Variants in ADCK1 observed in about 807,000 individuals in gnomAD.
ADCK1 encodes aarF domain-containing protein kinase 1.
In ADCK1, 41 loss-of-function variants were observed where a neutral mutation model predicts 52.3. The ratio of observed to expected loss-of-function variants is 0.78; its 90% CI spans 0.61 to 1.02. ADCK1 has a LOEUF of 1.02. ADCK1 is among the 50% of genes least tolerant of loss of function. The probability of loss-of-function intolerance (pLI) is 0.00; values close to 1 mark genes in which losing one functional copy is unlikely to be tolerated. For missense variants in ADCK1, 658 were observed against 679.5 expected (o/e 0.97, Z 0.35); for synonymous variants, 250 against 274.6 (o/e 0.91, Z 0.89).
At chr14:77,827,196 A>G (rs2081729939) in intron 3 of ADCK1, among the ~76,000 whole-genome samples, 1 of 151,466 alleles carries the variant, frequency 6.6e-6, no homozygotes, top group Admixed American at 6.6e-5. Flanking sequence ...TACTAAAAAT[A>G]CAAAAATTAG....
chr14:77,864,959 A>T (rs2140151556), intron 4 of ADCK1, among the ~76,000 whole-genome samples: 1 of 152,220 alleles, frequency 6.6e-6, no homozygotes, highest in East Asian at 1.9e-4. Flanking sequence ...ATGGAGAGTA[A>T]TCTGTTTTAT....
At chr14:77,895,502 A>G (rs2083389715) in intron 5 of ADCK1, among the ~76,000 whole-genome samples, 1 of 152,260 alleles carries the variant, frequency 6.6e-6, no homozygotes, top group African/African-American at 2.4e-5. Flanking sequence ...GGCTGTTAGA[A>G]GAATTTTATG....
rs1440569696 is a variant in ADCK1 at position 77,899,189 on chromosome 14, G to T, written c.672G>T (p.Leu224=). The T allele has an allele frequency of 3.1e-6, 5 of 1,614,182 alleles. No homozygotes were observed. Among genetic ancestry groups the T allele is most frequent in the Non-Finnish European group, 4.2e-6 (5 of 1,180,030 alleles). ...DEAKKNLPLE[L]DFLNEGRNAE... ...CCAAGAAGAACCTGCCTTTGGAGCT[G>T]GATTTCCTCAATGAAGGGAGGAATG... is the stretch of plus-strand genomic sequence containing the variant. Residue 224 remains leucine, a synonymous_variant, in exon 6 of 11, where the codon CTG becomes CTT. Transcript: ENST00000238561.
chr14:77,812,160 T>C (rs1425730035), intron 1 of ADCK1, among the ~76,000 whole-genome samples: 15 of 152,204 alleles, frequency 9.9e-5, no homozygotes, highest in Non-Finnish European at 5.9e-5. Context: ...AGATCTGCTC[T>C]CTCAGCAAAT....
At position 77,849,045 on chromosome 14, in the gene ADCK1, G is replaced by A. The variant is rs954185252; in HGVS notation, c.220-10031G>A. On this transcript the variant is annotated intron_variant, in intron 3 of 10. Transcript: ENST00000238561. ...GGGTTTCACCATGTTAGCCAGGATG[G>A]TCTCCATCTCCTGACCTCGTGATCT... is the stretch of plus-strand genomic sequence containing the variant. Among the ~76,000 whole-genome samples, 109 of 152,070 alleles carry A rather than the reference G, an allele frequency of 7.2e-4. 1 individual carries two copies. The highest frequency in any genetic ancestry group is 2.6e-3 in the African/African-American group (108 of 41,472).
intron 3 of ADCK1, among the ~76,000 whole-genome samples, chr14:77,852,907 A>ATTTTTTTTT (rs71303864): frequency 2.8e-4 from 8 of 28,954 alleles, no homozygotes; most frequent in South Asian, 2.2e-3. Flanking sequence ...ATATATATAT[A>ATTTTTTTTT]TTTTTTTTTT....
At chr14:77,875,251 T>A (rs1042022703) in intron 4 of ADCK1, among the ~76,000 whole-genome samples, 1 of 151,678 alleles carries the variant, frequency 6.6e-6, no homozygotes, top group African/African-American at 2.4e-5. Flanking sequence ...GTGGAGGAGG[T>A]GGAGGTGCCA....
rs892288824 is a variant in ADCK1 at position 77,912,782 on chromosome 14, C to G, written c.858+4863C>G. Among the ~76,000 whole-genome samples, 3 of 152,088 alleles carry G rather than the reference C, an allele frequency of 2.0e-5. No individual in the cohort carries two copies. In the East Asian group the frequency reaches 5.8e-4, roughly 29 times the overall value. Reference sequence around the variant, plus strand: ...GGTGGGTGGGGATGGCTCCAGAGCCCCCAACCACTTGTTGTATCAGCCTCA... The same window carrying G: ...GGTGGGTGGGGATGGCTCCAGAGCCGCCAACCACTTGTTGTATCAGCCTCA... On this transcript the variant is annotated intron_variant, in intron 7 of 10. Coordinates refer to ENST00000238561, the MANE Select transcript of ADCK1 (RefSeq NM_020421.4).
chr14:77,836,769 C>CTTTTTTTTTTTTTTTTTTTTTTT lies in ADCK1; in HGVS notation c.219+14254_219+14255insTTTTTTTTTTTTTTTTTTTTTTT, dbSNP rs1293120244. ...TATCTCCTCTACCTTTTCTTTCTTT[C>CTTTTTTTTTTTTTTTTTTTTTTT]TTTCTTTTTTTTTTTTTTTTTTGAG... On this transcript the variant is annotated intron_variant, in intron 3 of 10. Coordinates refer to ENST00000238561, the MANE Select transcript of ADCK1 (RefSeq NM_020421.4). Among the ~76,000 whole-genome samples the CTTTTTTTTTTTTTTTTTTTTTTT allele has an allele frequency of 2.7e-5, 2 of 75,280 alleles. 1 individual carries two copies. The highest frequency in any genetic ancestry group is 9.0e-4 in the South Asian group (2 of 2,220). 49.4% of individuals were successfully genotyped at this position (75,280 alleles called of 152,430 possible).
chr14:77,887,852 C>T (rs780728455), intron 5 of ADCK1, among the ~76,000 whole-genome samples: 9 of 152,200 alleles, frequency 5.9e-5, no homozygotes, highest in Non-Finnish European at 1.2e-4. Context: ...TAGCCATCAC[C>T]GCCTACGGGG....
chr14:77,889,580 C>A (rs572978884), intron 5 of ADCK1, among the ~76,000 whole-genome samples: 1 of 152,192 alleles, frequency 6.6e-6, no homozygotes, highest in Non-Finnish European at 1.5e-5. Context: ...TCTTGCCCCC[C>A]CAGTATGCCA....
chr14:77,852,368 AT>A (rs2082301834), intron 3 of ADCK1, among the ~76,000 whole-genome samples: 2 of 151,938 alleles, frequency 1.3e-5, no homozygotes, highest in Non-Finnish European at 2.9e-5. Flanking sequence ...AAGAACTTTT[AT>A]ACCTTTATTT....
In ADCK1 at chr14:77,905,304, G is replaced by GTTTTTTTTTTTTTTT. The variant is rs58057378; in HGVS notation, c.742-2493_742-2479dup. On this transcript the variant is annotated intron_variant, in intron 6 of 10. Transcript: ENST00000238561. ...TCCACCTGTGACTCTTTCCTAGCTGGTTTTTTTTTTTTTTTTTTTTGAGAT... is the reference window on the plus strand; with the variant it reads ...TCCACCTGTGACTCTTTCCTAGCTGGTTTTTTTTTTTTTTTTTTTTTTTTTTTTTTTTTTTGAGAT... 6.9e-4 allele frequency among the ~76,000 whole-genome samples: 66 copies of GTTTTTTTTTTTTTTT among 96,256 alleles called. 5 individuals are homozygous for GTTTTTTTTTTTTTTT. The highest frequency in any genetic ancestry group is 1.0e-3 in the African/African-American group (23 of 23,096). 63.1% of individuals were successfully genotyped at this position (96,256 alleles called of 152,430 possible).
intron 9 of ADCK1, among the ~76,000 whole-genome samples, chr14:77,926,309 G>T (rs1408936736): frequency 6.6e-6 from 1 of 152,084 alleles, no homozygotes; most frequent in Non-Finnish European, 1.5e-5. Flanking sequence ...CAAGACCTCT[G>T]GGAATCCTTA....
chr14:77,820,585 G>A (rs924240534), intron 2 of ADCK1, among the ~76,000 whole-genome samples: 1 of 151,546 alleles, frequency 6.6e-6, no homozygotes, highest in Non-Finnish European at 1.5e-5. Context: ...GCCCACCTTG[G>A]TCTCCCAAAG....
At position 77,931,625 on chromosome 14, in the gene ADCK1, G is replaced by A. The variant is rs750618689; in HGVS notation, c.1314G>A (p.Leu438=). 5.0e-6 allele frequency: 8 copies of A among 1,612,980 alleles called. No individual in the cohort carries two copies. Among genetic ancestry groups the A allele is most frequent in the Non-Finnish European group, 6.8e-6 (8 of 1,180,044 alleles). ...MLLILKTNDL[L]RGIEAALGTR... Reference sequence around the variant, plus strand: ...TCATCTTGAAGACCAACGACCTGCTGCGTGGCATTGAGGCCGCCCTGGGCA... The same window carrying A: ...TCATCTTGAAGACCAACGACCTGCTACGTGGCATTGAGGCCGCCCTGGGCA... The change falls in exon 10 of 11, where the codon CTG becomes CTA. Residue 438 remains leucine, a synonymous_variant. Coordinates refer to ENST00000238561, the MANE Select transcript of ADCK1 (RefSeq NM_020421.4).
intron 3 of ADCK1, among the ~76,000 whole-genome samples, chr14:77,845,203 T>C (rs1346574729): frequency 6.6e-6 from 1 of 152,186 alleles, no homozygotes; most frequent in Non-Finnish European, 1.5e-5. Flanking sequence ...GGTCTTGGAG[T>C]TAGACTGCCG....
At chr14:77,842,864 TTTTTC>T (rs374756972) in intron 3 of ADCK1, among the ~76,000 whole-genome samples, 39 of 146,968 alleles carry the variant, frequency 2.7e-4, no homozygotes, top group Admixed American at 4.1e-4. Flanking sequence ...GTATTTTTTC[TTTTTC>T]TTTTCTTTTC....
intron 1 of ADCK1, among the ~76,000 whole-genome samples, chr14:77,813,164 G>A (rs2081370684): frequency 6.6e-6 from 1 of 151,316 alleles, no homozygotes; most frequent in African/African-American, 2.4e-5. Flanking sequence ...CACCATGCCT[G>A]GCTAATTTTG....
Sources: allele counts gnomAD v4.1 joint callset (sites outside exome capture counted in the v4.1 genomes callset), GRCh38; gene constraint gnomAD v4.1.1; transcripts MANE v1.5; gene names NCBI Gene and HGNC (gene_info 2026-07-23, HGNC 2026-07-21).